GRIK1: variants seen among roughly 807,000 people sequenced by gnomAD.
GRIK1 encodes glutamate receptor ionotropic, kainate 1.
A neutral mutation model predicts 105.7 loss-of-function variants in GRIK1; 69 were observed. That is an observed-to-expected ratio of 0.65 (90% CI 0.54 to 0.80). GRIK1 has a LOEUF of 0.80. Ranked by LOEUF, GRIK1 falls within the 30% of genes least tolerant of loss-of-function variation. GRIK1 has a pLI of 0.00. For missense variants in GRIK1, 1,109 were observed against 1,167.3 expected (o/e 0.95, Z 0.73); for synonymous variants, 438 against 431.3 (o/e 1.02, Z -0.19).
chr21:29,832,096 G>A (rs907343250), intron 1 of GRIK1, among the ~76,000 whole-genome samples: 1 of 152,148 alleles, frequency 6.6e-6, no homozygotes, highest in Non-Finnish European at 1.5e-5. Flanking sequence ...AAATCTTAAA[G>A]CTCCAAAATA....
chr21:29,724,546 A>G (rs922521438), intron 1 of GRIK1, among the ~76,000 whole-genome samples: 1 of 152,224 alleles, frequency 6.6e-6, no homozygotes, highest in African/African-American at 2.4e-5. Context: ...TAAAGAGGGA[A>G]GCCAAACGGA....
chr21:29,788,819 A>G (rs1391479707), intron 1 of GRIK1, among the ~76,000 whole-genome samples: 1 of 152,156 alleles, frequency 6.6e-6, no homozygotes, highest in Non-Finnish European at 1.5e-5. Context: ...CACATGCACA[A>G]TTCATAATAG....
intron 1 of GRIK1, among the ~76,000 whole-genome samples, chr21:29,728,877 A>G (rs188628799): frequency 2.2e-4 from 34 of 152,360 alleles, no homozygotes; most frequent in Admixed American, 2.2e-3. Context: ...GGATTAAGTA[A>G]GAGATAGTTT....
At chr21:29,702,438 A>G (rs1317667911) in intron 1 of GRIK1, among the ~76,000 whole-genome samples, 2 of 152,196 alleles carry the variant, frequency 1.3e-5, no homozygotes, top group Non-Finnish European at 2.9e-5. Flanking sequence ...TAAAGCCATG[A>G]GACTGAATGG....
At chr21:29,768,060 A>AAG (rs1471147971) in intron 1 of GRIK1, among the ~76,000 whole-genome samples, 1 of 152,184 alleles carries the variant, frequency 6.6e-6, no homozygotes, top group East Asian at 1.9e-4. Context: ...ACGGTGTAGA[A>AAG]AGGAGCAAAA....
In GRIK1 at chr21:29,654,804, A is replaced by C. The variant is rs767758531; in HGVS notation, c.780+6T>G. On this transcript the variant is annotated splice_donor_region_variant and intron_variant, in intron 5 of 17. Coordinates refer to ENST00000327783, the MANE Select transcript of GRIK1 (RefSeq NM_001330994.2). ...TGTGGAATACATTTCTCCCAGATGC[A>C]CTTACCAGGGTTGTGAAAAAGTAGT... is the stretch of plus-strand genomic sequence containing the variant. 24 of 1,516,136 alleles carry C rather than the reference A, an allele frequency of 1.6e-5. No individual in the cohort carries two copies. Among genetic ancestry groups the C allele is most frequent in the South Asian group, 1.0e-4 (9 of 89,172 alleles). The allele number at this position is 1,516,136 out of a possible 1,614,324, so 93.9% of individuals were successfully genotyped here. A position where few individuals can be genotyped will look rare whatever the true frequency, so the allele number is the denominator to read the frequency against.
chr21:29,591,038 A>ATCT, intron 10 of GRIK1, 74 bp downstream of exon 10: 1 of 834,504 alleles, frequency 1.2e-6, no homozygotes, highest in East Asian at 2.4e-5. Context: ...CATGAAAAAG[A>ATCT]CAGTTGAGGA....
intron 1 of GRIK1, among the ~76,000 whole-genome samples, chr21:29,898,387 G>A (rs2070254681): frequency 6.6e-6 from 1 of 152,172 alleles, no homozygotes; most frequent in Non-Finnish European, 1.5e-5. Context: ...TGACAGAAGG[G>A]ATGACAGGGC....
At chr21:29,738,604 C>T (rs774823633) in intron 1 of GRIK1, among the ~76,000 whole-genome samples, 14 of 152,158 alleles carry the variant, frequency 9.2e-5, no homozygotes, top group East Asian at 1.9e-4. Context: ...AACAAAGCAA[C>T]GACTTTTTCT....
chr21:29,701,843 C>G (rs1361552791), intron 1 of GRIK1, among the ~76,000 whole-genome samples: 1 of 152,168 alleles, frequency 6.6e-6, no homozygotes, highest in East Asian at 1.9e-4. Flanking sequence ...TAGATAAAAT[C>G]TGAAGGACTT....
At chr21:29,589,588 T>G (rs2061301494) in intron 10 of GRIK1, among the ~76,000 whole-genome samples, 1 of 102,318 alleles carries the variant, frequency 9.8e-6, no homozygotes, top group Non-Finnish European at 1.8e-5. Context: ...CGCCTGACTA[T>G]TTTTTTGTAT....
At position 29,694,013 on chromosome 21, in the gene GRIK1, C is replaced by T; in HGVS notation, c.169G>A (p.Ala57Thr). The T allele has an allele frequency of 6.2e-7, 1 of 1,612,636 alleles. No individual in the cohort carries two copies. The highest frequency in any genetic ancestry group is 8.5e-7 in the Non-Finnish European group (1 of 1,178,876). The change falls in exon 2 of 18, where the codon GCT becomes ACT. Residue 57 changes from alanine (A) to threonine (T), a missense_variant. Physicochemically the swap from Ala to Thr is moderately conservative, Grantham distance 58 (BLOSUM62 0). Transcript: ENST00000327783. ...ENEPVNVEEL[A>T]FKFAVTSINR... ...ATGCTGGTGACTGCAAACTTGAAAG[C>T]TAATTCTTCAACATTAACAGGCTCA... is the stretch of plus-strand genomic sequence containing the variant.
intron 3 of GRIK1, among the ~76,000 whole-genome samples, chr21:29,675,651 C>A (rs1446995626): frequency 6.6e-6 from 1 of 152,120 alleles, no homozygotes; most frequent in Non-Finnish European, 1.5e-5. Context: ...GGATGCAAGA[C>A]AACACAACCT....
chr21:29,757,179 A>C (rs1213466883), intron 1 of GRIK1, among the ~76,000 whole-genome samples: 1 of 152,152 alleles, frequency 6.6e-6, no homozygotes, highest in Non-Finnish European at 1.5e-5. Context: ...CCAGTGACTG[A>C]AATGTATATT....
At chr21:29,855,292 T>C (rs889575654) in intron 1 of GRIK1, among the ~76,000 whole-genome samples, 2 of 152,260 alleles carry the variant, frequency 1.3e-5, no homozygotes, top group African/African-American at 4.8e-5. Context: ...ATAATATTGG[T>C]TACATATAAA....
In GRIK1 at chr21:29,861,560, G is replaced by A. The variant is rs1340122326; in HGVS notation, c.118+77823C>T. 6.4e-5 allele frequency: 14 copies of A among 220,024 alleles called. No homozygotes were observed. The Middle Eastern group carries it at 2.8e-3, about 44-fold the overall frequency. 13.6% of individuals were successfully genotyped at this position (220,024 alleles called of 1,614,324 possible). On this transcript the variant is annotated intron_variant, in intron 1 of 17. Transcript: ENST00000327783. The stretch of plus-strand genomic sequence containing the variant: ...CGGACTCAAGCGATCTGCCCTCTTC[G>A]GCCTCCCAAAGTGTGGGATTATAGG...
intron 1 of GRIK1, among the ~76,000 whole-genome samples, chr21:29,778,958 T>C (rs2066017182): frequency 6.6e-6 from 1 of 152,126 alleles, no homozygotes; most frequent in Non-Finnish European, 1.5e-5. Context: ...TTTGGGAAAA[T>C]ATTTTAAGGT....
At chr21:29,935,957 T>C (rs2071733062) in intron 1 of GRIK1, among the ~76,000 whole-genome samples, 1 of 152,174 alleles carries the variant, frequency 6.6e-6, no homozygotes, top group Non-Finnish European at 1.5e-5. Context: ...ATAACAATAA[T>C]AATAATAAAA....
intron 1 of GRIK1, among the ~76,000 whole-genome samples, chr21:29,712,119 CACACAT>C (rs1345632137): frequency 1.3e-5 from 2 of 150,126 alleles, no homozygotes; most frequent in East Asian, 2.0e-4. Flanking sequence ...CACACACACA[CACACAT>C]ATATATAGGT....
Sources: gnomAD v4.1 joint callset for allele counts (sites outside exome capture counted in the v4.1 genomes callset) on GRCh38, gnomAD v4.1.1 for gene constraint, MANE v1.5 for transcripts, NCBI Gene and HGNC (gene_info 2026-07-23, HGNC 2026-07-21) for gene names.